The following CRB1 variants were observed in gnomAD, a reference collection of about 807,000 sequenced individuals.
CRB1 encodes the protein protein crumbs homolog 1.
In CRB1, 83 loss-of-function variants were observed where a neutral mutation model predicts 120.0. The observed-to-expected ratio is 0.69, with a 90% CI of 0.58 to 0.83. The LOEUF (loss-of-function observed/expected upper bound fraction) is 0.83. Ranked by LOEUF, CRB1 falls within the 40% of genes least tolerant of loss-of-function variation. The probability of loss-of-function intolerance (pLI) is 0.00; values close to 1 mark genes in which losing one functional copy is unlikely to be tolerated. For synonymous variants in CRB1, 625 were observed against 612.5 expected (o/e 1.02, Z -0.30); for missense variants, 1,699 against 1,687.6 (o/e 1.01, Z -0.12).
intron 11 of CRB1, among the ~76,000 whole-genome samples, chr1:197,472,847 A>C (rs188474189): frequency 2.0e-4 from 31 of 152,300 alleles, no homozygotes; most frequent in African/African-American, 7.0e-4. Context: ...TCCAAACAGG[A>C]TCAAGAAAAT....
intron 8 of CRB1, among the ~76,000 whole-genome samples, chr1:197,430,573 C>T (rs1664823035): frequency 6.6e-6 from 1 of 152,196 alleles, no homozygotes; most frequent in Admixed American, 6.6e-5. Flanking sequence ...CAGGCCCACA[C>T]ACCACCACCT....
intron 1 of CRB1, among the ~76,000 whole-genome samples, chr1:197,293,167 C>T (rs1330095831): frequency 6.6e-6 from 1 of 152,078 alleles, no homozygotes; most frequent in African/African-American, 2.4e-5. Flanking sequence ...AAAACCCCAT[C>T]GTCTCAGTGC....
intron 5 of CRB1, among the ~76,000 whole-genome samples, chr1:197,382,237 G>A (rs1372150911): frequency 6.6e-6 from 1 of 152,128 alleles, no homozygotes; most frequent in East Asian, 1.9e-4. Flanking sequence ...TATTCAAAAT[G>A]CCTAGAACAG....
At chr1:197,463,318 CA>C (rs1298891306) in intron 11 of CRB1, among the ~76,000 whole-genome samples, 1 of 152,060 alleles carries the variant, frequency 6.6e-6, no homozygotes, top group African/African-American at 2.4e-5. Flanking sequence ...CCCTTCCACC[CA>C]TCAGCCTACT....
intron 1 of CRB1, among the ~76,000 whole-genome samples, chr1:197,274,810 A>T (rs1655113471): frequency 3.3e-5 from 5 of 152,128 alleles, no homozygotes; most frequent in Admixed American, 2.0e-4. Flanking sequence ...TAGATGTAGC[A>T]CGGTTTGCTT....
chr1:197,390,689 AC>A (rs960981546), intron 5 of CRB1, among the ~76,000 whole-genome samples: 3 of 152,164 alleles, frequency 2.0e-5, no homozygotes, highest in African/African-American at 4.8e-5. Context: ...TAAATATAAT[AC>A]AAAAAAATTT....
intron 4 of CRB1, 66 bp downstream of exon 4, chr1:197,347,545 C>G: frequency 2.7e-6 from 4 of 1,477,656 alleles, no homozygotes; most frequent in Non-Finnish European, 3.8e-6. Context: ...TCGCTTATAG[C>G]AAATGAAATG....
At chr1:197,332,554 A>T (rs1028946753) in intron 2 of CRB1, among the ~76,000 whole-genome samples, 1 of 152,208 alleles carries the variant, frequency 6.6e-6, no homozygotes, top group African/African-American at 2.4e-5. Context: ...TTCGGGTAAA[A>T]AAAAAAATGC....
chr1:197,305,939 C>G (rs904495807), intron 1 of CRB1, among the ~76,000 whole-genome samples: 5 of 151,486 alleles, frequency 3.3e-5, no homozygotes, highest in African/African-American at 1.2e-4. Context: ...ACTGAGCAAG[C>G]CTGCAACATT....
chr1:197,377,610 T>C (rs144444199), intron 5 of CRB1, among the ~76,000 whole-genome samples: 1 of 152,296 alleles, frequency 6.6e-6, no homozygotes, highest in African/African-American at 2.4e-5. Flanking sequence ...ACTTGACATA[T>C]CATAATTTGA....
intron 1 of CRB1, among the ~76,000 whole-genome samples, chr1:197,298,604 A>T (rs1656678138): frequency 6.6e-6 from 1 of 152,158 alleles, no homozygotes. Flanking sequence ...AAGAATAATG[A>T]CTTGGAGGGA....
intron 11 of CRB1, among the ~76,000 whole-genome samples, chr1:197,472,260 T>G (rs1278780475): frequency 6.6e-6 from 1 of 152,226 alleles, no homozygotes; most frequent in African/African-American, 2.4e-5. Context: ...TACATACAAC[T>G]GAATTCCAGG....
intron 5 of CRB1, among the ~76,000 whole-genome samples, chr1:197,376,651 A>C: frequency 6.6e-6 from 1 of 152,272 alleles, no homozygotes; most frequent in East Asian, 1.9e-4. Context: ...ACTCTAGACC[A>C]AGCCACTGTC....
chr1:197,259,682 C>G, the CRB1 span, among the ~76,000 whole-genome samples: 1 of 151,990 alleles, frequency 6.6e-6, no homozygotes, highest in Non-Finnish European at 1.5e-5. Context: ...TATACCTGAA[C>G]TTAAAGTTAA....
the CRB1 span, among the ~76,000 whole-genome samples, chr1:197,232,185 T>G: frequency 5.3e-5 from 8 of 152,192 alleles, no homozygotes; most frequent in East Asian, 1.6e-3. Context: ...CTCTAGAGGA[T>G]CCAAGGGAAT....
intron 1 of CRB1, 27 bp downstream of exon 1, chr1:197,268,509 T>G (rs1489608106): frequency 4.0e-6 from 6 of 1,509,980 alleles, no homozygotes; most frequent in Non-Finnish European, 5.5e-6. Flanking sequence ...TTGGGCATTT[T>G]TCCTGGTTTA....
In CRB1 at chr1:197,421,030, G is replaced by A; in HGVS notation, c.1202G>A (p.Cys401Tyr). ...CACTGCGAAGAAGACGTCAATGAAT[G>A]TTCTTCAAACCCTTGCCAAAATGGT... ...GIHCEEDVNE[C>Y]SSNPCQNGGT... The change falls in exon 6 of 12, where the codon TGT (cysteine) becomes TAT (tyrosine). Residue 401 changes from cysteine (C) to tyrosine (Y), a missense_variant. Cys to Tyr is a radical substitution (Grantham distance 194). Coordinates refer to ENST00000367400, the MANE Select transcript of CRB1 (RefSeq NM_201253.3). 6.2e-7 allele frequency: 1 copy of A among 1,612,836 alleles called. No individual in the cohort carries two copies.
At chr1:197,271,544 C>A (rs1571741499) in intron 1 of CRB1, among the ~76,000 whole-genome samples, 1 of 152,206 alleles carries the variant, frequency 6.6e-6, no homozygotes, top group East Asian at 1.9e-4. Context: ...TGTTTTTATA[C>A]CTGTTCCTTG....
the CRB1 span, among the ~76,000 whole-genome samples, chr1:197,241,884 T>A: frequency 1.3e-5 from 2 of 152,164 alleles, no homozygotes; most frequent in African/African-American, 4.8e-5. Context: ...TGGTTTGTAA[T>A]TCTCCTGGAA....
Sources: gnomAD v4.1 joint callset for allele counts (sites outside exome capture counted in the v4.1 genomes callset) on GRCh38, gnomAD v4.1.1 for gene constraint, MANE v1.5 for transcripts, NCBI Gene and HGNC (gene_info 2026-07-23, HGNC 2026-07-21) for gene names.